The following TENM1 variants were observed in gnomAD, a reference collection of about 807,000 sequenced individuals.
The protein encoded by TENM1 is teneurin-1.
In TENM1, 35 loss-of-function variants were observed where a neutral mutation model predicts 174.8. The observed-to-expected ratio is 0.20, with a 90% CI of 0.15 to 0.27. The LOEUF (loss-of-function observed/expected upper bound fraction) is 0.27, where lower values mean the gene tolerates loss of function less well. TENM1 is among the 10% of genes least tolerant of loss of function. TENM1 has a pLI of 1.00. For synonymous variants in TENM1, 781 were observed against 798.7 expected, an observed-to-expected ratio of 0.98 and a Z score of 0.37; for missense variants, 1,633 against 2,130.1, an observed-to-expected ratio of 0.77 and a Z score of 4.59.
intron 14 of TENM1, among the ~76,000 whole-genome samples, chrX:124,554,724 T>C (rs774297612): frequency 8.9e-6 from 1 of 111,902 alleles, no homozygotes; most frequent in Non-Finnish European, 1.9e-5. Flanking sequence ...CATTGATCCA[T>C]GAGCTTGTAT....
At chrX:124,748,213 G>A in intron 3 of TENM1, among the ~76,000 whole-genome samples, 1 of 111,037 alleles carries the variant, frequency 9.0e-6, no homozygotes, top group Non-Finnish European at 1.9e-5. Context: ...GGCAGCACTA[G>A]GGCAATTTCC....
chrX:124,969,773 A>G, the TENM1 span, among the ~76,000 whole-genome samples: 3 of 111,818 alleles, frequency 2.7e-5, no homozygotes, highest in Non-Finnish European at 5.6e-5. Flanking sequence ...ACTGCTCTTC[A>G]GAACATGTGG....
intron 22 of TENM1, among the ~76,000 whole-genome samples, chrX:124,475,232 C>T (rs1436071031): frequency 1.8e-5 from 2 of 111,302 alleles, no homozygotes; most frequent in African/African-American, 3.3e-5. Flanking sequence ...CAAACTGATC[C>T]TCATCCCTAT....
chrX:125,155,877 C>G, the TENM1 span, among the ~76,000 whole-genome samples: 2 of 112,432 alleles, frequency 1.8e-5, no homozygotes, highest in African/African-American at 6.5e-5. Flanking sequence ...GGAGCCGGCT[C>G]TGGCCTCGGC....
intron 6 of TENM1, among the ~76,000 whole-genome samples, chrX:124,661,145 C>T (rs2051590369): frequency 9.0e-6 from 1 of 110,965 alleles, no homozygotes; most frequent in Admixed American, 9.6e-5. Context: ...TTAGTGGTTG[C>T]CAGGGGTTGG....
the TENM1 span, among the ~76,000 whole-genome samples, chrX:125,159,556 T>G: frequency 8.9e-6 from 1 of 112,335 alleles, no homozygotes; most frequent in Non-Finnish European, 1.9e-5. Flanking sequence ...TATAATTTAT[T>G]ATTAGATCCA....
chrX:124,567,403 T>C (rs748924195), intron 11 of TENM1, among the ~76,000 whole-genome samples: 4 of 111,990 alleles, frequency 3.6e-5, no homozygotes, highest in Non-Finnish European at 7.5e-5. Context: ...CAGGAGATTG[T>C]GGTGTAACTA....
chrX:124,405,202 C>A lies in TENM1; in HGVS notation c.5220G>T (p.Gly1740=), dbSNP rs778112793. Residue 1740 remains glycine, a synonymous_variant, in exon 27 of 32, where the codon GGG becomes GGT. Transcript: ENST00000422452. ...GCTCTGAGCTGAGGCCGATCTCCATCCCGCTGGCAAAAGTGACACGCAGGG... is the reference window on the plus strand; with the variant it reads ...GCTCTGAGCTGAGGCCGATCTCCATACCGCTGGCAAAAGTGACACGCAGGG... The A allele has an allele frequency of 5.8e-6, 7 of 1,209,818 alleles. No individual in the cohort carries two copies. In the Admixed American group the frequency reaches 1.5e-4, roughly 26 times the overall value.
At chrX:125,137,920 T>C in the TENM1 span, among the ~76,000 whole-genome samples, 1 of 112,133 alleles carries the variant, frequency 8.9e-6, no homozygotes, top group Non-Finnish European at 1.9e-5. Flanking sequence ...TCCCTTTCAC[T>C]GTCACAAAAA....
chrX:124,608,399 C>T (rs1480505095), intron 11 of TENM1, among the ~76,000 whole-genome samples: 1 of 111,446 alleles, frequency 9.0e-6, no homozygotes. Flanking sequence ...TATTTGCTTA[C>T]TCAGAGTGAT....
chrX:124,465,605 A>T (rs988404236), intron 22 of TENM1, among the ~76,000 whole-genome samples: 3 of 111,364 alleles, frequency 2.7e-5, no homozygotes, highest in African/African-American at 9.8e-5. Flanking sequence ...CACTTAACCC[A>T]TCAGGAATAG....
the TENM1 span, among the ~76,000 whole-genome samples, chrX:125,097,240 T>A: frequency 8.9e-6 from 1 of 111,949 alleles, no homozygotes; most frequent in Non-Finnish European, 1.9e-5. Context: ...AGTTGTTTTC[T>A]GCTCCTTTTT....
At chrX:125,093,738 T>C in the TENM1 span, among the ~76,000 whole-genome samples, 1 of 112,016 alleles carries the variant, frequency 8.9e-6, no homozygotes, top group East Asian at 2.8e-4. Context: ...AAGTCCCAGT[T>C]CTTTTTTTAT....
the TENM1 span, among the ~76,000 whole-genome samples, chrX:125,011,980 T>C: frequency 9.0e-6 from 1 of 111,711 alleles, no homozygotes; most frequent in Non-Finnish European, 1.9e-5. Flanking sequence ...GTGGTACATA[T>C]ACACCATGGA....
chrX:125,175,567 T>G, the TENM1 span, among the ~76,000 whole-genome samples: 1 of 111,366 alleles, frequency 9.0e-6, no homozygotes. Context: ...ATAATCTACT[T>G]TGATTTCTAT....
At chrX:124,999,990 T>C in the TENM1 span, among the ~76,000 whole-genome samples, 384 of 111,322 alleles carry the variant, frequency 3.4e-3, 1 homozygote, top group African/African-American at 0.012. Flanking sequence ...TTTTAACAAG[T>C]ATGAACTTTC....
Position 124,589,537 on chromosome X carries a change from C to T in TENM1, c.2078-23977G>A, listed in dbSNP as rs1020495278. Among the ~76,000 whole-genome samples, 11 of 110,779 alleles carry T rather than the reference C, an allele frequency of 9.9e-5. No individual in the cohort carries two copies. In the South Asian group the frequency reaches 4.2e-3, roughly 43 times the overall value. On this transcript the variant is annotated intron_variant, in intron 11 of 31. Transcript: ENST00000422452. ...CACTGGTAGAATTTGGCTGTGAATC[C>T]ATCTGTTTGGGGCTCTTCTGGTTGC...
chrX:124,496,898 G>A, intron 20 of TENM1, 118 bp downstream of exon 23: 2 of 732,538 alleles, frequency 2.7e-6, no homozygotes. Flanking sequence ...TCTTAACTCA[G>A]TGCTACAATA....
the TENM1 span, among the ~76,000 whole-genome samples, chrX:125,040,177 C>T: frequency 9.0e-6 from 1 of 111,460 alleles, no homozygotes; most frequent in African/African-American, 3.2e-5. Flanking sequence ...GTATGTGCTG[C>T]ATGCAGGAGT....
Sources: allele counts gnomAD v4.1 joint callset (sites outside exome capture counted in the v4.1 genomes callset), GRCh38; gene constraint gnomAD v4.1.1; transcripts MANE v1.5; gene names NCBI Gene and HGNC (gene_info 2026-07-23, HGNC 2026-07-21).